The following CCDC88A variants were observed in gnomAD, a reference collection of about 807,000 sequenced individuals.
The protein encoded by CCDC88A is coiled-coil and HOOK domain protein 88A.
Under a neutral mutation model 234.3 loss-of-function variants are expected in CCDC88A, and 54 were observed. That is an observed-to-expected ratio of 0.23 (90% CI 0.19 to 0.29). The LOEUF is 0.29. Among genes scored for constraint, CCDC88A ranks in the 10% least tolerant of loss-of-function variants. CCDC88A has a pLI of 1.00. For synonymous variants in CCDC88A, 753 were observed against 737.8 expected, an observed-to-expected ratio of 1.02 and a Z score of -0.33; for missense variants, 1,832 against 2,123.4, an observed-to-expected ratio of 0.86 and a Z score of 2.70.
chr2:55,341,437 A>C (rs948353723), intron 12 of CCDC88A, among the ~76,000 whole-genome samples: 44 of 71,320 alleles, frequency 6.2e-4, no homozygotes, highest in Admixed American at 1.1e-3. Flanking sequence ...CATGCCCGGC[A>C]CTCCCCGCCC....
At chr2:55,354,944 A>G (rs1343347190) in intron 8 of CCDC88A, among the ~76,000 whole-genome samples, 1 of 149,974 alleles carries the variant, frequency 6.7e-6, no homozygotes, top group Non-Finnish European at 1.5e-5. Flanking sequence ...GACACGCACT[A>G]GCCTATGCCT....
At chr2:55,353,214 T>C (rs1670125468) in intron 8 of CCDC88A, among the ~76,000 whole-genome samples, 1 of 152,206 alleles carries the variant, frequency 6.6e-6, no homozygotes. Context: ...ATTTAAAAAT[T>C]AAATTTGAAC....
rs1407163184 is a variant in CCDC88A, at chr2:55,332,931, T to TA, written c.2728-239dup. Among the ~76,000 whole-genome samples the TA allele has an allele frequency of 1.3e-5, 2 of 152,252 alleles. No homozygotes were observed. Among genetic ancestry groups the TA allele is most frequent in the African/African-American group, 4.8e-5 (2 of 41,470 alleles). On this transcript the variant is annotated intron_variant, in intron 15 of 32. Coordinates refer to ENST00000436346, the MANE Select transcript of CCDC88A (RefSeq NM_001365480.1). The surrounding 1 kb of genome is among the most constrained non-coding windows in gnomAD (Gnocchi z 4.5). ...ACCTTAAAAGGGAGTAGTAACTCTT[T>TA]ACTTGTGAATACACATTTAGGTTTG...
rs1386716882 is a variant in CCDC88A, at chr2:55,409,700, G to C, written c.164+9116C>G. Among the ~76,000 whole-genome samples, 8 of 147,384 alleles carry C rather than the reference G, an allele frequency of 5.4e-5. No homozygotes were observed. The East Asian group carries it at 1.6e-3, about 30-fold the overall frequency. ...GGCCCACATGCTTCCACTGGGAGAG[G>C]AGTCCATGTAAACAGGGGGATGTGC... On this transcript the variant is annotated intron_variant, in intron 2 of 32. Coordinates refer to ENST00000436346, the MANE Select transcript of CCDC88A (RefSeq NM_001365480.1).
chr2:55,419,031 G>C lies in CCDC88A; in HGVS notation c.49C>G (p.Pro17Ala), dbSNP rs766353387. 1 of 1,612,644 alleles carries C rather than the reference G, an allele frequency of 6.2e-7. No homozygotes were observed. Among genetic ancestry groups the C allele is most frequent in the Non-Finnish European group, 8.5e-7 (1 of 1,178,860 alleles). Residue 17 changes from proline (P) to alanine (A), a missense_variant, in exon 1 of 33, where the codon CCT (proline) becomes GCT (alanine). Coordinates refer to ENST00000436346, the MANE Select transcript of CCDC88A (RefSeq NM_001365480.1). ...TPLLEQFMTS[P>A]LVTWVKTFGP... is the part of the protein sequence containing the mutation. ...ACCCCACTTACCCAAGTGACCAAAG[G>C]GCTGGTCATGAACTGCTCCAGAAGG...
chr2:55,322,693 C>T lies in CCDC88A; in HGVS notation c.2998-1G>A. ...TGAGAGCTTCATAATTTTTTTTCAC[C>T]TAAAATTTTATTTAAAATATTTTAA... is the stretch of plus-strand genomic sequence containing the variant. On this transcript the variant is annotated splice_acceptor_variant, in intron 17 of 32. Coordinates refer to ENST00000436346, the MANE Select transcript of CCDC88A (RefSeq NM_001365480.1). LOFTEE classifies it high-confidence loss of function. 6.7e-7 allele frequency: 1 copy of T among 1,482,928 alleles called. No individual in the cohort carries two copies. Among genetic ancestry groups the T allele is most frequent in the Non-Finnish European group, 9.1e-7 (1 of 1,104,476 alleles). The allele number at this position is 1,482,928 out of a possible 1,614,324, so 91.9% of individuals were successfully genotyped here.
At chr2:55,379,774 G>T (rs942040637) in intron 3 of CCDC88A, among the ~76,000 whole-genome samples, 1 of 152,026 alleles carries the variant, frequency 6.6e-6, no homozygotes, top group Non-Finnish European at 1.5e-5. Context: ...TTAGCCAGGC[G>T]TGGTGGTGCA....
At position 55,322,094 on chromosome 2, in the gene CCDC88A, A is replaced by C. The variant is rs561191843; in HGVS notation, c.3162+434T>G. Among the ~76,000 whole-genome samples the C allele has an allele frequency of 2.6e-4, 40 of 152,334 alleles. No homozygotes were observed. The South Asian group carries it at 7.9e-3, about 30-fold the overall frequency. On this transcript the variant is annotated intron_variant, in intron 18 of 32. Coordinates refer to ENST00000436346, the MANE Select transcript of CCDC88A (RefSeq NM_001365480.1). ...AATATTTGTTAAGTGTCTACTACCT[A>C]CCAGGCACTATTCTAGATAGTAAAG...
At chr2:55,349,282 C>CA in intron 9 of CCDC88A, 1 of 453,242 alleles carries the variant, frequency 2.2e-6, no homozygotes, top group Non-Finnish European at 3.8e-6. Flanking sequence ...GGAACTACCT[C>CA]AGTCCTAAGT....
intron 31 of CCDC88A, 187 bp from the exon 32 acceptor site, chr2:55,291,962 T>G: frequency 2.2e-6 from 1 of 454,034 alleles, no homozygotes; most frequent in Non-Finnish European, 3.9e-6. Context: ...CTATAAGTAA[T>G]ATTCCTAGGA....
At chr2:55,396,309 C>T (rs1212476776) in intron 2 of CCDC88A, among the ~76,000 whole-genome samples, 1 of 152,038 alleles carries the variant, frequency 6.6e-6, no homozygotes, top group Non-Finnish European at 1.5e-5. Context: ...CAGTAAATAC[C>T]TTTCCTCTCT....
At chr2:55,378,889 G>A (rs1049161682) in intron 3 of CCDC88A, among the ~76,000 whole-genome samples, 2 of 152,016 alleles carry the variant, frequency 1.3e-5, no homozygotes, top group Non-Finnish European at 2.9e-5. Context: ...GGAATTACAG[G>A]TGCCCGCCAC....
At chr2:55,390,012 G>C (rs1283973761) in intron 2 of CCDC88A, among the ~76,000 whole-genome samples, 4 of 90,794 alleles carry the variant, frequency 4.4e-5, no homozygotes, top group Non-Finnish European at 8.8e-5. Context: ...CTGCACTCCA[G>C]CCTGGGCTAC....
intron 3 of CCDC88A, among the ~76,000 whole-genome samples, chr2:55,379,788 C>G (rs1674285761): frequency 6.6e-6 from 1 of 152,056 alleles, no homozygotes; most frequent in Non-Finnish European, 1.5e-5. Context: ...TGGTGCATGC[C>G]TGTAATCCCA....
chr2:55,415,822 G>C (rs115059794), intron 2 of CCDC88A, among the ~76,000 whole-genome samples: 317 of 152,296 alleles, frequency 2.1e-3, no homozygotes, highest in African/African-American at 7.6e-3. Context: ...TGCCTCAACA[G>C]TGTGACAAAG....
chr2:55,392,041 G>C (rs1332459904), intron 2 of CCDC88A, among the ~76,000 whole-genome samples: 1 of 152,164 alleles, frequency 6.6e-6, no homozygotes, highest in Non-Finnish European at 1.5e-5. Flanking sequence ...AGTTGGGTTT[G>C]TCTGATAAGA....
intron 4 of CCDC88A, among the ~76,000 whole-genome samples, chr2:55,374,152 T>C (rs1419086663): frequency 6.6e-6 from 1 of 152,174 alleles, no homozygotes; most frequent in Non-Finnish European, 1.5e-5. Flanking sequence ...GGCGGGCAGA[T>C]CACCTGAGGT....
At chr2:55,329,791 ACT>A (rs1301314015) in intron 16 of CCDC88A, 8 of 152,280 alleles carry the variant, frequency 5.3e-5, no homozygotes, top group African/African-American at 1.9e-4. Flanking sequence ...ACAGAGTCTC[ACT>A]CTGTTGCCCA....
chr2:55,411,798 A>ACC (rs138946788), intron 2 of CCDC88A, among the ~76,000 whole-genome samples: 1 of 120,562 alleles, frequency 8.3e-6, no homozygotes, highest in Non-Finnish European at 1.7e-5. Context: ...AAAAAAAAAA[A>ACC]AAAAACTCAA....
Sources: allele counts gnomAD v4.1 joint callset (sites outside exome capture counted in the v4.1 genomes callset), GRCh38; gene constraint gnomAD v4.1.1; non-coding constraint Gnocchi (gnomAD v3.1); transcripts MANE v1.5; gene names NCBI Gene and HGNC (gene_info 2026-07-23, HGNC 2026-07-21).